The following UMAD1 variants were observed in gnomAD, a reference collection of about 807,000 sequenced individuals.
UMAD1 encodes the protein UBAP1-MVB12-associated (UMA) domain containing 1.
Under a neutral mutation model 6.1 loss-of-function variants are expected in UMAD1, and 8 were observed. The ratio of observed to expected loss-of-function variants is 1.30; its 90% CI spans 0.76 to 2.35. The LOEUF is 2.35. Among genes scored for constraint, UMAD1 ranks in the 30% most tolerant of loss-of-function variants. The probability of loss-of-function intolerance (pLI) is 0.00; values close to 1 mark genes in which losing one functional copy is unlikely to be tolerated. For synonymous variants in UMAD1, 56 were observed against 31.4 expected (o/e 1.78, Z -2.61); for missense variants, 130 against 78.4 (o/e 1.66, Z -2.49).
intron 3 of UMAD1, among the ~76,000 whole-genome samples, chr7:7,835,161 A>T (rs117276935): frequency 6.6e-6 from 1 of 152,164 alleles, no homozygotes; most frequent in South Asian, 2.1e-4. Flanking sequence ...GTCAAAGACT[A>T]TGAGAAGTAT....
chr7:7,646,294 A>T (rs1785091575), intron 1 of UMAD1, among the ~76,000 whole-genome samples: 1 of 93,974 alleles, frequency 1.1e-5, no homozygotes, highest in Non-Finnish European at 2.2e-5. Flanking sequence ...GGATGGTGAT[A>T]CGGTTTGGCT....
intron 2 of UMAD1, among the ~76,000 whole-genome samples, chr7:7,765,147 G>A (rs943347349): frequency 2.0e-5 from 3 of 151,894 alleles, no homozygotes; most frequent in Admixed American, 1.3e-4. Context: ...TGTCAGTGAG[G>A]ACAACATCTC....
chr7:7,762,822 C>T (rs563819109), intron 2 of UMAD1, among the ~76,000 whole-genome samples: 14 of 152,092 alleles, frequency 9.2e-5, no homozygotes, highest in Non-Finnish European at 1.5e-4. Flanking sequence ...AATTTGTTTT[C>T]GTCGAAGGCT....
intron 3 of UMAD1, among the ~76,000 whole-genome samples, chr7:7,826,001 T>C (rs1040924199): frequency 1.3e-5 from 2 of 152,184 alleles, no homozygotes; most frequent in Non-Finnish European, 2.9e-5. Context: ...GTAAACGCTA[T>C]ATAAATAGTT....
chr7:7,813,576 A>G (rs1783066698), intron 3 of UMAD1, among the ~76,000 whole-genome samples: 1 of 146,296 alleles, frequency 6.8e-6, no homozygotes, highest in African/African-American at 2.6e-5. Flanking sequence ...GAGCACAGTG[A>G]TAGTGTACTG....
chr7:7,785,716 A>G (rs1404281402), intron 2 of UMAD1, among the ~76,000 whole-genome samples: 1 of 152,236 alleles, frequency 6.6e-6, no homozygotes, highest in Non-Finnish European at 1.5e-5. Flanking sequence ...GGAGGCCAGC[A>G]TACAAAAGAG....
Position 7,877,775 on chromosome 7 carries a change from G to T in UMAD1, c.*237G>T. ...TAAATATACAAATTAGGCTATGAAGGTTTTAGGAAAGGACTCGATTCCTTC... is the reference window on the plus strand; with the variant it reads ...TAAATATACAAATTAGGCTATGAAGTTTTTAGGAAAGGACTCGATTCCTTC... On this transcript the variant is annotated 3_prime_UTR_variant, in exon 4 of 4. Coordinates refer to ENST00000682710, the MANE Select transcript of UMAD1 (RefSeq NM_001302348.2). 2.1e-6 allele frequency: 1 copy of T among 466,124 alleles called. No individual in the cohort carries two copies. Among genetic ancestry groups the T allele is most frequent in the Non-Finnish European group, 3.8e-6 (1 of 262,124 alleles). 28.9% of individuals were successfully genotyped at this position (466,124 alleles called of 1,614,324 possible).
chr7:7,866,503 G>A (rs1784227473), intron 3 of UMAD1, among the ~76,000 whole-genome samples: 1 of 152,166 alleles, frequency 6.6e-6, no homozygotes, highest in African/African-American at 2.4e-5. Flanking sequence ...GATGAAGGGA[G>A]TAGAAGAGAG....
chr7:7,689,501 T>C (rs1780122638), intron 2 of UMAD1: 1 of 152,170 alleles, frequency 6.6e-6, no homozygotes, highest in Non-Finnish European at 1.5e-5. Flanking sequence ...AAGCCACTTT[T>C]AGCTAGGTTT....
chr7:7,779,018 C>G (rs1782283960), intron 2 of UMAD1, among the ~76,000 whole-genome samples: 1 of 152,120 alleles, frequency 6.6e-6, no homozygotes, highest in South Asian at 2.1e-4. Flanking sequence ...TAGGGAAACT[C>G]AGGCACAGTG....
intron 2 of UMAD1, among the ~76,000 whole-genome samples, chr7:7,708,592 A>G (rs954734861): frequency 6.6e-6 from 1 of 152,198 alleles, no homozygotes; most frequent in Non-Finnish European, 1.5e-5. Context: ...AAATAAGTCA[A>G]CATATTTGTC....
intron 2 of UMAD1, among the ~76,000 whole-genome samples, chr7:7,683,123 G>A (rs769119258): frequency 3.9e-5 from 6 of 152,222 alleles, no homozygotes; most frequent in Non-Finnish European, 4.4e-5. Flanking sequence ...GCAGAACTGA[G>A]CCTTCTGTTT....
chr7:7,739,459 G>T (rs1458463952), intron 2 of UMAD1, among the ~76,000 whole-genome samples: 2 of 152,102 alleles, frequency 1.3e-5, no homozygotes, highest in Non-Finnish European at 2.9e-5. Context: ...CTTAACAAGT[G>T]GTTTTTTGAA....
At chr7:7,729,105 A>T (rs1343600650) in intron 2 of UMAD1, among the ~76,000 whole-genome samples, 3 of 152,202 alleles carry the variant, frequency 2.0e-5, no homozygotes, top group African/African-American at 4.8e-5. Context: ...AGTTAACTGG[A>T]TGGAGAAGGG....
chr7:7,794,547 C>T (rs1009627925), intron 2 of UMAD1, among the ~76,000 whole-genome samples: 2 of 152,134 alleles, frequency 1.3e-5, no homozygotes, highest in Non-Finnish European at 2.9e-5. Context: ...GGTATACCCC[C>T]TCCCTTTTGG....
chr7:7,765,775 C>T (rs1225864366), intron 2 of UMAD1, among the ~76,000 whole-genome samples: 1 of 152,060 alleles, frequency 6.6e-6, no homozygotes, highest in Non-Finnish European at 1.5e-5. Flanking sequence ...ATACAGTATG[C>T]TAAGCAAGAG....
intron 3 of UMAD1, among the ~76,000 whole-genome samples, chr7:7,823,421 G>C (rs1029113322): frequency 6.6e-6 from 1 of 152,010 alleles, no homozygotes; most frequent in Non-Finnish European, 1.5e-5. Context: ...ATCTATATTT[G>C]ATCTGGCAAC....
chr7:7,785,296 G>A (rs1782439729), intron 2 of UMAD1, among the ~76,000 whole-genome samples: 1 of 152,166 alleles, frequency 6.6e-6, no homozygotes, highest in Non-Finnish European at 1.5e-5. Flanking sequence ...TATTGATTGT[G>A]TGTTCAGTGG....
chr7:7,728,441 T>A (rs764655135), intron 2 of UMAD1, among the ~76,000 whole-genome samples: 1 of 152,034 alleles, frequency 6.6e-6, no homozygotes, highest in South Asian at 2.1e-4. Context: ...GTCAGGAGGT[T>A]GAGACCAGCC....
Sources: allele counts gnomAD v4.1 joint callset (sites outside exome capture counted in the v4.1 genomes callset), GRCh38; gene constraint gnomAD v4.1.1; transcripts MANE v1.5; gene names NCBI Gene and HGNC (gene_info 2026-07-23, HGNC 2026-07-21).